LARGE1: variants seen among roughly 807,000 people sequenced by gnomAD.
LARGE1 encodes xylosyl- and glucuronyltransferase LARGE1.
In LARGE1, 43 loss-of-function variants were observed where a neutral mutation model predicts 87.6. The ratio of observed to expected loss-of-function variants is 0.49; its 90% CI spans 0.38 to 0.63. The LOEUF (loss-of-function observed/expected upper bound fraction) is 0.63, where lower values mean the gene tolerates loss of function less well. Ranked by LOEUF, LARGE1 falls within the 30% of genes least tolerant of loss-of-function variation. LARGE1 has a pLI of 0.00. For synonymous variants in LARGE1, 434 were observed against 394.6 expected (o/e 1.10, Z -1.18); for missense variants, 802 against 1,000.2 (o/e 0.80, Z 2.67).
chr22:33,821,955 T>G (rs1163812758), intron 1 of LARGE1, among the ~76,000 whole-genome samples: 1 of 150,984 alleles, frequency 6.6e-6, no homozygotes, highest in Non-Finnish European at 1.5e-5. Flanking sequence ...TTTTTAGGTT[T>G]TTTTTTTTTT....
At chr22:33,752,026 C>T (rs1167309415) in intron 2 of LARGE1, among the ~76,000 whole-genome samples, 5 of 152,216 alleles carry the variant, frequency 3.3e-5, no homozygotes, top group African/African-American at 1.2e-4. Context: ...AAGTAATCTG[C>T]CTGCCTTGGC....
the LARGE1 span, among the ~76,000 whole-genome samples, chr22:33,133,510 C>T: frequency 6.6e-6 from 1 of 152,152 alleles, no homozygotes; most frequent in African/African-American, 2.4e-5. Flanking sequence ...GACATGAACT[C>T]ATCCTTTTTA....
At chr22:33,617,462 C>A (rs569158545) in intron 4 of LARGE1, among the ~76,000 whole-genome samples, 1 of 152,306 alleles carries the variant, frequency 6.6e-6, no homozygotes, top group East Asian at 1.9e-4. Context: ...ATTTCGCCAA[C>A]TGCAGATAAT....
intron 11 of LARGE1, among the ~76,000 whole-genome samples, chr22:33,267,026 G>A (rs947870088): frequency 6.6e-6 from 1 of 151,574 alleles, no homozygotes; most frequent in Admixed American, 6.6e-5. Context: ...GATCACTTGA[G>A]GCCAGGAGTT....
At chr22:33,209,386 ACT>A (rs1445208513) in intron 11 of LARGE1, among the ~76,000 whole-genome samples, 6 of 152,212 alleles carry the variant, frequency 3.9e-5, no homozygotes, top group African/African-American at 1.4e-4. Context: ...ATATTATGAG[ACT>A]CACACAGGGT....
intron 1 of LARGE1, among the ~76,000 whole-genome samples, chr22:33,831,991 C>T (rs1291355769): frequency 1.3e-5 from 2 of 152,200 alleles, no homozygotes; most frequent in East Asian, 3.9e-4. Context: ...TCTGTTCCTG[C>T]AGTTCCCACT....
chr22:33,797,902 G>T (rs2086035766), intron 1 of LARGE1, among the ~76,000 whole-genome samples: 1 of 152,170 alleles, frequency 6.6e-6, no homozygotes, highest in Non-Finnish European at 1.5e-5. Context: ...TATAAAATGA[G>T]GATCATAATC....
intron 2 of LARGE1, among the ~76,000 whole-genome samples, chr22:33,710,204 A>C (rs2082691525): frequency 6.6e-6 from 1 of 152,078 alleles, no homozygotes; most frequent in African/African-American, 2.4e-5. Context: ...AAAAAAAAAA[A>C]CAAAACTTAA....
intron 5 of LARGE1, among the ~76,000 whole-genome samples, chr22:33,566,563 C>T (rs1215233439): frequency 2.0e-5 from 3 of 152,134 alleles, no homozygotes; most frequent in Admixed American, 2.0e-4. Flanking sequence ...GTGGCGCAGA[C>T]CCAAAGAGTG....
At chr22:33,888,908 T>C (rs2064932354) in intron 1 of LARGE1, among the ~76,000 whole-genome samples, 2 of 152,164 alleles carry the variant, frequency 1.3e-5, no homozygotes, top group Non-Finnish European at 2.9e-5. Context: ...ACGAGTTTTG[T>C]AACATACTTC....
the LARGE1 span, among the ~76,000 whole-genome samples, chr22:33,069,096 T>G: frequency 6.6e-6 from 1 of 152,152 alleles, no homozygotes. Flanking sequence ...CCCTTATACC[T>G]CATCGCCATC....
At chr22:33,267,526 C>T (rs1275818686), downstream of LARGE1, among the ~76,000 whole-genome samples, 1 of 151,566 alleles carries the variant, frequency 6.6e-6, no homozygotes, top group Non-Finnish European at 1.5e-5. Context: ...CTTTCGCTTA[C>T]TACAAGATGC....
intron 11 of LARGE1, among the ~76,000 whole-genome samples, chr22:33,204,648 G>A (rs940299607): frequency 6.6e-6 from 1 of 152,172 alleles, no homozygotes; most frequent in African/African-American, 2.4e-5. Context: ...TCTGCTGGGA[G>A]TATGTTTGAA....
rs1047651467 is a variant in LARGE1 at position 33,305,513 on chromosome 22, T to C, written c.1452-1006A>G. 5 of 874,132 alleles carry C rather than the reference T, an allele frequency of 5.7e-6. No homozygotes were observed. The African/African-American group carries it at 7.2e-5, about 13-fold the overall frequency. The allele number at this position is 874,132 out of a possible 1,614,324, so 54.1% of individuals were successfully genotyped here. On this transcript the variant is annotated intron_variant, in intron 11 of 14. Transcript: ENST00000397394. ...TGGCTAAGAAACAGCAAAAGCCTAC[T>C]TGAATTGTTTTTCCTTACCCAGCAA...
intron 12 of LARGE1, among the ~76,000 whole-genome samples, chr22:33,301,579 C>T (rs535782416): frequency 7.2e-5 from 11 of 152,242 alleles, no homozygotes; most frequent in African/African-American, 1.7e-4. Context: ...AATAATGGCA[C>T]GATTGTGTGG....
rs533285097 is a variant in LARGE1 at position 33,633,822 on chromosome 22, T to G, written c.409-7496A>C. Among the ~76,000 whole-genome samples, 5 of 152,296 alleles carry G rather than the reference T, an allele frequency of 3.3e-5. No individual in the cohort carries two copies. The East Asian group carries it at 9.7e-4, about 29-fold the overall frequency. On this transcript the variant is annotated intron_variant, in intron 3 of 14. Coordinates refer to ENST00000397394, the MANE Select transcript of LARGE1 (RefSeq NM_133642.5). ...AAGACCTCCCAGAGGACAGATGCTC[T>G]GACAGCTGCGGAGAAGCGAACAGCC...
At chr22:33,382,805 C>T (rs111773501) in intron 8 of LARGE1, among the ~76,000 whole-genome samples, 26 of 152,034 alleles carry the variant, frequency 1.7e-4, no homozygotes, top group African/African-American at 6.0e-4. Context: ...CACTGTGACC[C>T]GACTTGAAAT....
At chr22:33,618,474 G>T (rs2079645515) in intron 4 of LARGE1, among the ~76,000 whole-genome samples, 1 of 152,124 alleles carries the variant, frequency 6.6e-6, no homozygotes, top group African/African-American at 2.4e-5. Flanking sequence ...AAATACAATA[G>T]CCCATGTGAA....
At chr22:33,458,414 A>T (rs975167879) in intron 6 of LARGE1, among the ~76,000 whole-genome samples, 8 of 134,428 alleles carry the variant, frequency 6.0e-5, no homozygotes, top group Non-Finnish European at 1.1e-4. Context: ...AAAAATGTCT[A>T]TTTTTACTGT....
Sources: allele counts gnomAD v4.1 joint callset (sites outside exome capture counted in the v4.1 genomes callset), GRCh38; gene constraint gnomAD v4.1.1; transcripts MANE v1.5; gene names NCBI Gene and HGNC (gene_info 2026-07-23, HGNC 2026-07-21).